The following HTR4 variants were observed in gnomAD, a reference collection of about 807,000 sequenced individuals.
HTR4 encodes the protein 5-hydroxytryptamine (serotonin) receptor 4, G protein-coupled.
Under a neutral mutation model 36.8 loss-of-function variants are expected in HTR4, and 16 were observed. The observed-to-expected ratio is 0.43, with a 90% confidence interval of 0.29 to 0.66. HTR4 has a LOEUF of 0.66. Among genes scored for constraint, HTR4 ranks in the 30% least tolerant of loss-of-function variants. HTR4 has a pLI of 0.13. For missense variants in HTR4, 438 were observed against 490.9 expected (o/e 0.89, Z 1.02); for synonymous variants, 189 against 185.1 (o/e 1.02, Z -0.17).
At chr5:148,565,585 G>A (rs369455196) in intron 2 of HTR4, among the ~76,000 whole-genome samples, 1,108 of 13,914 alleles carry the variant, frequency 0.08, 20 homozygotes, top group African/African-American at 0.23. Flanking sequence ...GGAGTATCCA[G>A]TATCTTGATG....
At chr5:148,560,699 A>T (rs74591391) in intron 2 of HTR4, among the ~76,000 whole-genome samples, 1,962 of 152,238 alleles carry the variant, frequency 0.013, 39 homozygotes, top group African/African-American at 0.046. Context: ...TAATATCATG[A>T]TGCCCCCTTT....
At chr5:148,617,431 T>G (rs1435614112) in intron 2 of HTR4, among the ~76,000 whole-genome samples, 1 of 152,012 alleles carries the variant, frequency 6.6e-6, no homozygotes, top group African/African-American at 2.4e-5. Context: ...TAACACACAC[T>G]TCTTATAATA....
chr5:148,523,145 G>A lies in HTR4; in HGVS notation c.507+48C>T, dbSNP rs199667221. On this transcript the variant is annotated intron_variant, in intron 5 of 6. Transcript: ENST00000377888. ...TTATTTATTCATTTAGGAACCCCATGCAAAGTTGATCAGACAGTAAACCAG... is the reference window on the plus strand; with the variant it reads ...TTATTTATTCATTTAGGAACCCCATACAAAGTTGATCAGACAGTAAACCAG... 28 of 1,510,638 alleles carry A rather than the reference G, an allele frequency of 1.9e-5. 1 individual carries two copies. In the Admixed American group the frequency reaches 2.0e-4, roughly 11 times the overall value. The allele number at this position is 1,510,638 out of a possible 1,614,324, so 93.6% of individuals were successfully genotyped here. A position where few individuals can be genotyped will look rare whatever the true frequency, so the allele number is the denominator to read the frequency against.
chr5:148,594,955 A>G (rs1345069157), intron 2 of HTR4, among the ~76,000 whole-genome samples: 1 of 152,218 alleles, frequency 6.6e-6, no homozygotes, highest in African/African-American at 2.4e-5. Context: ...AAGCTTTGAC[A>G]TAAGAAATAG....
chr5:148,454,696 C>G (rs555892613), intron 5 of HTR4, among the ~76,000 whole-genome samples: 3 of 152,294 alleles, frequency 2.0e-5, no homozygotes, highest in African/African-American at 7.2e-5. Context: ...TATCAACAGA[C>G]TCCTTTTATA....
chr5:148,614,213 T>C (rs1277169047), intron 2 of HTR4, among the ~76,000 whole-genome samples: 18 of 152,220 alleles, frequency 1.2e-4, no homozygotes, highest in East Asian at 1.9e-4. Flanking sequence ...AAAAAGAGCC[T>C]GCATTGCCAA....
At chr5:148,491,993 G>A (rs1756472968) in intron 6 of HTR4, among the ~76,000 whole-genome samples, 1 of 152,194 alleles carries the variant, frequency 6.6e-6, no homozygotes, top group Non-Finnish European at 1.5e-5. Context: ...CCAGGTGGCT[G>A]TAATGTGCAG....
downstream of HTR4, among the ~76,000 whole-genome samples, chr5:148,478,216 C>T (rs938973054): frequency 3.9e-5 from 6 of 152,184 alleles, no homozygotes; most frequent in Admixed American, 6.5e-5. Flanking sequence ...AATCACCTAG[C>T]GCACAGTAAG....
intron 2 of HTR4, among the ~76,000 whole-genome samples, chr5:148,630,796 C>A (rs1235809801): frequency 6.6e-6 from 1 of 152,026 alleles, no homozygotes; most frequent in Non-Finnish European, 1.5e-5. Flanking sequence ...TGAAGATTAC[C>A]TGTAATCTTA....
chr5:148,554,522 A>C (rs1426202943), intron 2 of HTR4, among the ~76,000 whole-genome samples: 1 of 152,218 alleles, frequency 6.6e-6, no homozygotes, highest in East Asian at 1.9e-4. Context: ...TTCATAGGGA[A>C]ATTAAATAGA....
chr5:148,495,075 A>T (rs1756625974), intron 6 of HTR4, among the ~76,000 whole-genome samples: 1 of 152,198 alleles, frequency 6.6e-6, no homozygotes, highest in African/African-American at 2.4e-5. Context: ...GGTTTGAGTA[A>T]GATCTGAACC....
intron 4 of HTR4, among the ~76,000 whole-genome samples, chr5:148,526,780 G>C (rs1408350480): frequency 2.0e-5 from 3 of 152,038 alleles, no homozygotes; most frequent in Non-Finnish European, 4.4e-5. Context: ...GGCACAGAAG[G>C]ACAAATATTG....
chr5:148,646,935 G>T (rs905513538), intron 1 of HTR4, among the ~76,000 whole-genome samples: 3 of 152,284 alleles, frequency 2.0e-5, no homozygotes, highest in Admixed American at 6.5e-5. Flanking sequence ...AGATCTCAAT[G>T]ATCCCCTATC....
intron 1 of HTR4, among the ~76,000 whole-genome samples, chr5:148,646,991 A>G (rs887443484): frequency 6.6e-6 from 1 of 152,172 alleles, no homozygotes; most frequent in Non-Finnish European, 1.5e-5. Flanking sequence ...AGCTTCTCAA[A>G]GCTTCCAGAA....
intron 4 of HTR4, among the ~76,000 whole-genome samples, chr5:148,536,254 A>G (rs921833307): frequency 1.3e-5 from 2 of 152,158 alleles, no homozygotes; most frequent in Non-Finnish European, 2.9e-5. Context: ...TATAGAAAGG[A>G]AAGACTGCTA....
chr5:148,602,278 T>A (rs866576108), intron 2 of HTR4, among the ~76,000 whole-genome samples: 1 of 152,134 alleles, frequency 6.6e-6, no homozygotes, highest in Admixed American at 6.6e-5. Context: ...CATAAACATA[T>A]ACAGCTTTTT....
intron 5 of HTR4, chr5:148,466,021 C>T: frequency 6.4e-7 from 1 of 1,553,482 alleles, no homozygotes; most frequent in Non-Finnish European, 8.6e-7. Flanking sequence ...TTAGTAGACA[C>T]ATGATCTCAG....
chr5:148,638,096 G>A (rs10040649), intron 1 of HTR4, among the ~76,000 whole-genome samples: 1,732 of 152,256 alleles, frequency 0.011, 38 homozygotes, highest in African/African-American at 0.04. Context: ...GGACACCTTG[G>A]CCAGGGTGAG....
In HTR4 at chr5:148,483,130, C is replaced by T; in HGVS notation, c.*73G>A. On this transcript the variant is annotated 3_prime_UTR_variant, in exon 7 of 7. Transcript: ENST00000377888. The stretch of plus-strand genomic sequence containing the variant: ...GTGAAGAGAATACCGGGTGCAGTCG[C>T]GCACAAGCAGCAGCTTAGGACCTGG... 6.2e-7 allele frequency: 1 copy of T among 1,605,656 alleles called. No individual in the cohort carries two copies. The highest frequency in any genetic ancestry group is 8.5e-7 in the Non-Finnish European group (1 of 1,175,010).
Sources: gnomAD v4.1 joint callset for allele counts (sites outside exome capture counted in the v4.1 genomes callset) on GRCh38, gnomAD v4.1.1 for gene constraint, MANE v1.5 for transcripts, NCBI Gene and HGNC (gene_info 2026-07-23, HGNC 2026-07-21) for gene names.